The following ATRNL1 variants were observed in gnomAD, a reference collection of about 807,000 sequenced individuals.
The protein encoded by ATRNL1 is attractin like 1.
Under a neutral mutation model 182.7 loss-of-function variants are expected in ATRNL1, and 95 were observed. That is an observed-to-expected ratio of 0.52 (90% confidence interval 0.44 to 0.62). The LOEUF is 0.62. Among genes scored for constraint, ATRNL1 ranks in the 20% least tolerant of loss-of-function variants. The probability of loss-of-function intolerance (pLI) is 0.00; values close to 1 mark genes in which losing one functional copy is unlikely to be tolerated. For synonymous variants in ATRNL1, 576 were observed against 568.3 expected (o/e 1.01, Z -0.19); for missense variants, 1,471 against 1,679.5 (o/e 0.88, Z 2.17).
intron 8 of ATRNL1, among the ~76,000 whole-genome samples, chr10:115,207,267 G>A (rs1224714584): frequency 1.3e-5 from 2 of 152,138 alleles, no homozygotes; most frequent in Non-Finnish European, 2.9e-5. Context: ...TCACCACACT[G>A]TCTTCCACAA....
intron 19 of ATRNL1, among the ~76,000 whole-genome samples, chr10:115,370,187 C>T (rs1857318557): frequency 6.6e-6 from 1 of 152,198 alleles, no homozygotes; most frequent in Non-Finnish European, 1.5e-5. Context: ...GTCCATTAAA[C>T]CTCTTTCTTT....
At chr10:115,842,285 C>T (rs1950828237) in intron 27 of ATRNL1, among the ~76,000 whole-genome samples, 1 of 151,898 alleles carries the variant, frequency 6.6e-6, no homozygotes, top group African/African-American at 2.4e-5. Flanking sequence ...GCCATTTAGT[C>T]TTATGTGATG....
chr10:115,834,456 C>T (rs4420180), intron 27 of ATRNL1, among the ~76,000 whole-genome samples: 71,268 of 151,960 alleles, frequency 0.47, 18,376 homozygotes, highest in East Asian at 0.76. Context: ...CTGACCCAAT[C>T]GCCTACTTCT....
chr10:115,250,470 G>A (rs782260745), intron 10 of ATRNL1, among the ~76,000 whole-genome samples: 3 of 152,128 alleles, frequency 2.0e-5, no homozygotes, highest in African/African-American at 7.2e-5. Context: ...GGTCATATGT[G>A]CCTAGCTGCA....
chr10:115,602,981 A>T (rs1455429722), intron 26 of ATRNL1, among the ~76,000 whole-genome samples: 4 of 152,202 alleles, frequency 2.6e-5, no homozygotes, highest in Non-Finnish European at 5.9e-5. Flanking sequence ...ATGTTAAAAC[A>T]GATACAAATG....
chr10:115,126,916 A>C (rs1463392322), intron 3 of ATRNL1, among the ~76,000 whole-genome samples: 1 of 152,154 alleles, frequency 6.6e-6, no homozygotes, highest in Non-Finnish European at 1.5e-5. Context: ...ACCAGTTTAA[A>C]ACTATTTTGT....
intron 8 of ATRNL1, among the ~76,000 whole-genome samples, chr10:115,180,378 G>C (rs528434405): frequency 1.3e-4 from 19 of 151,850 alleles, no homozygotes; most frequent in African/African-American, 4.1e-4. Flanking sequence ...TTATTACCAA[G>C]ATTCATCCAT....
rs782606090 is a variant in ATRNL1, at chr10:115,469,342, A to C, written c.3654+13A>C. On this transcript the variant is annotated intron_variant, in intron 24 of 28. Coordinates refer to ENST00000355044, the MANE Select transcript of ATRNL1 (RefSeq NM_207303.4). ...TATTAAAATACAGGTAAGTGTTAAG[A>C]GTATTTACTTCTAATGACCATAATA... is the stretch of plus-strand genomic sequence containing the variant. The C allele has an allele frequency of 3.4e-6, 5 of 1,483,008 alleles. No homozygotes were observed. In the East Asian group the frequency reaches 1.3e-4, roughly 39 times the overall value. 91.9% of individuals were successfully genotyped at this position (1,483,008 alleles called of 1,614,324 possible). A position where few individuals can be genotyped will look rare whatever the true frequency, so the allele number is the denominator to read the frequency against.
intron 28 of ATRNL1, among the ~76,000 whole-genome samples, chr10:115,886,126 AG>A (rs1951938950): frequency 6.6e-6 from 1 of 152,236 alleles, no homozygotes; most frequent in African/African-American, 2.4e-5. Flanking sequence ...GTGAAACCAA[AG>A]GACCTCATAG....
intron 8 of ATRNL1, among the ~76,000 whole-genome samples, chr10:115,184,620 C>T (rs1554888453): frequency 1.3e-5 from 2 of 151,504 alleles, no homozygotes; most frequent in African/African-American, 4.8e-5. Context: ...AAAGATATGA[C>T]ATGAAAGTAT....
At chr10:115,939,646 C>G (rs1329049530) in intron 28 of ATRNL1, among the ~76,000 whole-genome samples, 1 of 152,252 alleles carries the variant, frequency 6.6e-6, no homozygotes, top group East Asian at 1.9e-4. Context: ...GCTTTGATAA[C>G]AAGGAACTAT....
At chr10:115,311,545 T>G (rs1762639604) in intron 17 of ATRNL1, among the ~76,000 whole-genome samples, 1 of 145,364 alleles carries the variant, frequency 6.9e-6, no homozygotes, top group South Asian at 2.2e-4. Context: ...ATGGTCTATC[T>G]TGGAAAATAT....
intron 20 of ATRNL1, among the ~76,000 whole-genome samples, chr10:115,418,110 G>T (rs1317166205): frequency 6.6e-6 from 1 of 152,064 alleles, no homozygotes; most frequent in Non-Finnish European, 1.5e-5. Context: ...GGAGACATGT[G>T]GTCTTTCAGA....
In ATRNL1 at chr10:115,350,627, AT is replaced by A. The variant is rs771556780; in HGVS notation, c.3175+16211del. On this transcript the variant is annotated intron_variant, in intron 19 of 28. Transcript: ENST00000355044. ...TCTGGCCTCTCTATTCTATTGGACT[AT>A]TTGTCTTTATGCCAGTATCATGCTG... is the stretch of plus-strand genomic sequence containing the variant. Among the ~76,000 whole-genome samples the A allele has an allele frequency of 1.4e-3, 210 of 151,500 alleles. 8 individuals carry two copies. Among genetic ancestry groups the A allele is most frequent in the Non-Finnish European group, 1.1e-3 (75 of 67,970 alleles).
At chr10:115,170,751 T>G (rs1257511370) in intron 7 of ATRNL1, among the ~76,000 whole-genome samples, 1 of 152,114 alleles carries the variant, frequency 6.6e-6, no homozygotes, top group Non-Finnish European at 1.5e-5. Context: ...GTTCTCTTAC[T>G]GTATGACAAT....
intron 25 of ATRNL1, among the ~76,000 whole-genome samples, chr10:115,537,113 A>G (rs1852076542): frequency 6.6e-6 from 1 of 152,214 alleles, no homozygotes; most frequent in Non-Finnish European, 1.5e-5. Context: ...TTTTTGTGGA[A>G]TACAGTAGAT....
intron 8 of ATRNL1, among the ~76,000 whole-genome samples, chr10:115,198,059 C>T (rs544090481): frequency 5.3e-5 from 8 of 152,160 alleles, no homozygotes; most frequent in Admixed American, 2.0e-4. Flanking sequence ...CTGGGCCATA[C>T]GGTAGTTCTA....
chr10:115,924,959 T>A (rs1305162732), intron 28 of ATRNL1, among the ~76,000 whole-genome samples: 1 of 152,194 alleles, frequency 6.6e-6, no homozygotes, highest in African/African-American at 2.4e-5. Flanking sequence ...AAGAGATCCC[T>A]CACATCCCTT....
intron 20 of ATRNL1, among the ~76,000 whole-genome samples, chr10:115,397,236 T>C (rs1219774129): frequency 6.6e-6 from 1 of 151,976 alleles, no homozygotes; most frequent in African/African-American, 2.4e-5. Flanking sequence ...ATGGTTTTTG[T>C]TGAAAGTATC....
Sources: allele counts gnomAD v4.1 joint callset (sites outside exome capture counted in the v4.1 genomes callset), GRCh38; gene constraint gnomAD v4.1.1; transcripts MANE v1.5; gene names NCBI Gene and HGNC (gene_info 2026-07-23, HGNC 2026-07-21).